Variants in DAGLA observed in about 807,000 individuals in gnomAD.
DAGLA encodes diacylglycerol lipase-alpha.
Under a neutral mutation model 102.6 loss-of-function variants are expected in DAGLA, and 22 were observed. The observed-to-expected ratio is 0.21, with a 90% CI of 0.15 to 0.31. The LOEUF (loss-of-function observed/expected upper bound fraction) is 0.31. Ranked by LOEUF, DAGLA falls within the 10% of genes least tolerant of loss-of-function variation. The pLI is 1.00. For synonymous variants in DAGLA, 578 were observed against 628.9 expected, an observed-to-expected ratio of 0.92 and a Z score of 1.21; for missense variants, 927 against 1,446.6, an observed-to-expected ratio of 0.64 and a Z score of 5.83.
At position 61,681,238 on chromosome 11, in the gene DAGLA, G is replaced by A. The variant is rs2064939889; in HGVS notation, c.-45+734G>A. Among the ~76,000 whole-genome samples the A allele has an allele frequency of 2.0e-5, 3 of 152,156 alleles. No individual in the cohort carries two copies. The South Asian group carries it at 6.2e-4, about 31-fold the overall frequency. On this transcript the variant is annotated intron_variant, in intron 1 of 19. Coordinates refer to ENST00000257215, the MANE Select transcript of DAGLA (RefSeq NM_006133.3). ...TGGGTACACTGGACTGAGGAGGGCA[G>A]AAGGCTGGGAGAAGGTTGGTGTCCT...
chr11:61,703,120 C>G (rs1048117467), intron 1 of DAGLA, among the ~76,000 whole-genome samples: 1 of 152,146 alleles, frequency 6.6e-6, no homozygotes, highest in African/African-American at 2.4e-5. Flanking sequence ...CTTCTCAGGC[C>G]GTGCTCCGAA....
chr11:61,701,862 A>G (rs140377918), intron 1 of DAGLA, among the ~76,000 whole-genome samples: 22 of 152,046 alleles, frequency 1.4e-4, no homozygotes, highest in African/African-American at 5.1e-4. Flanking sequence ...GCAGCCTGGA[A>G]CTCCCCAGCT....
intron 1 of DAGLA, among the ~76,000 whole-genome samples, chr11:61,718,800 C>T (rs1398784956): frequency 6.6e-6 from 1 of 152,204 alleles, no homozygotes; most frequent in Non-Finnish European, 1.5e-5. Context: ...GTGGCTGCAC[C>T]GGGGATAGGG....
intron 1 of DAGLA, among the ~76,000 whole-genome samples, chr11:61,717,276 A>G (rs552430890): frequency 3.7e-4 from 57 of 152,274 alleles, no homozygotes; most frequent in African/African-American, 1.3e-3. Context: ...GCACCATTCA[A>G]GGCCCTTAAA....
intron 1 of DAGLA, among the ~76,000 whole-genome samples, chr11:61,687,218 G>C (rs1485583421): frequency 1.3e-5 from 2 of 152,124 alleles, no homozygotes; most frequent in African/African-American, 4.8e-5. Flanking sequence ...GGGAGCCAGG[G>C]TTTGAACCCA....
At chr11:61,702,968 G>A (rs1260378942) in intron 1 of DAGLA, among the ~76,000 whole-genome samples, 1 of 152,220 alleles carries the variant, frequency 6.6e-6, no homozygotes, top group East Asian at 1.9e-4. Context: ...CAGTGAAGTT[G>A]CATATGTGGG....
intron 16 of DAGLA, among the ~76,000 whole-genome samples, chr11:61,738,828 GC>G (rs1032052216): frequency 1.1e-4 from 17 of 151,686 alleles, no homozygotes; most frequent in African/African-American, 4.1e-4. Context: ...CTCACCCCCT[GC>G]CCCCCGCCCC....
intron 1 of DAGLA, among the ~76,000 whole-genome samples, chr11:61,704,284 A>G (rs2065133229): frequency 6.6e-6 from 1 of 151,360 alleles, no homozygotes; most frequent in Non-Finnish European, 1.5e-5. Flanking sequence ...ATGCCCAGCT[A>G]ATTTTTTATG....
intron 2 of DAGLA, 138 bp from the exon 3 acceptor site, chr11:61,720,541 G>C: frequency 1.2e-6 from 1 of 807,650 alleles, no homozygotes; most frequent in Non-Finnish European, 2.0e-6. Context: ...ATGCCAGGTG[G>C]ACAATGGTCT....
chr11:61,728,591 C>T (rs1338903845), intron 7 of DAGLA, among the ~76,000 whole-genome samples: 9 of 152,218 alleles, frequency 5.9e-5, no homozygotes, highest in African/African-American at 1.7e-4. Flanking sequence ...GCTCCCGAGT[C>T]GGTCTTCTGC....
chr11:61,722,752 T>C, intron 3 of DAGLA, 107 bp from the exon 4 acceptor site: 1 of 924,390 alleles, frequency 1.1e-6, no homozygotes, highest in Non-Finnish European at 1.7e-6. Context: ...CCTTTGCTAC[T>C]GAGCTGGCTG....
At chr11:61,737,653 T>G in intron 14 of DAGLA, 34 bp from the exon 15 acceptor site, 1 of 1,601,516 alleles carries the variant, frequency 6.2e-7, no homozygotes, top group East Asian at 2.2e-5. Flanking sequence ...CCCCGCCCCC[T>G]TGGCCTTAGC....
intron 13 of DAGLA, among the ~76,000 whole-genome samples, chr11:61,736,693 G>A (rs2065425533): frequency 6.6e-6 from 1 of 152,246 alleles, no homozygotes; most frequent in Admixed American, 6.5e-5. Context: ...GAGAAGGGGT[G>A]CTGCTCTACC....
chr11:61,716,214 TG>T (rs1193654939), intron 1 of DAGLA, among the ~76,000 whole-genome samples: 2 of 151,878 alleles, frequency 1.3e-5, no homozygotes, highest in African/African-American at 4.8e-5. Context: ...ACTGTTGAGC[TG>T]GGGTGGGGAT....
chr11:61,727,076 TG>T (rs565171751), intron 6 of DAGLA, among the ~76,000 whole-genome samples: 130 of 152,304 alleles, frequency 8.5e-4, no homozygotes, highest in African/African-American at 3.0e-3. Flanking sequence ...TGTCAGAGTC[TG>T]GGGAAAAGAT....
intron 1 of DAGLA, among the ~76,000 whole-genome samples, chr11:61,706,827 G>A (rs575190916): frequency 3.2e-4 from 48 of 152,210 alleles, no homozygotes; most frequent in Non-Finnish European, 5.1e-4. Context: ...TGGAGGAGAC[G>A]AGGTGCCACT....
At chr11:61,706,017 G>A (rs1591032267) in intron 1 of DAGLA, among the ~76,000 whole-genome samples, 1 of 152,246 alleles carries the variant, frequency 6.6e-6, no homozygotes, top group East Asian at 1.9e-4. Context: ...CTGGAGGAGG[G>A]AAGGGCTCAC....
At chr11:61,710,845 T>C (rs750441526) in intron 1 of DAGLA, among the ~76,000 whole-genome samples, 7 of 152,226 alleles carry the variant, frequency 4.6e-5, no homozygotes, top group Admixed American at 6.5e-5. Flanking sequence ...GAGCACTTTA[T>C]GTGCGTTATT....
At chr11:61,735,884 T>C (rs1451074345) in intron 12 of DAGLA, 68 bp downstream of exon 12, 3 of 1,434,436 alleles carry the variant, frequency 2.1e-6, no homozygotes, top group Non-Finnish European at 2.8e-6. Context: ...CAGAGGCGTG[T>C]ATGGTTGGGG....
Sources: gnomAD v4.1 joint callset for allele counts (sites outside exome capture counted in the v4.1 genomes callset) on GRCh38, gnomAD v4.1.1 for gene constraint, MANE v1.5 for transcripts, NCBI Gene and HGNC (gene_info 2026-07-23, HGNC 2026-07-21) for gene names.